The following WNT7A variants were observed in gnomAD, a reference collection of about 807,000 sequenced individuals.
The protein encoded by WNT7A is Wnt family member 7A.
A neutral mutation model predicts 28.2 loss-of-function variants in WNT7A; 16 were observed. That is an observed-to-expected ratio of 0.57 (90% CI 0.38 to 0.86). The LOEUF is 0.86. Among genes scored for constraint, WNT7A ranks in the 40% least tolerant of loss-of-function variants. WNT7A has a pLI of 0.00. For synonymous variants in WNT7A, 190 were observed against 195.9 expected (o/e 0.97, Z 0.25); for missense variants, 411 against 489.7 (o/e 0.84, Z 1.52).
intron 1 of WNT7A, among the ~76,000 whole-genome samples, chr3:13,878,771 C>G (rs1017649771): frequency 6.6e-6 from 1 of 152,152 alleles, no homozygotes; most frequent in Non-Finnish European, 1.5e-5. Flanking sequence ...GTGAGACCTA[C>G]CAAGCGGGCC....
intron 3 of WNT7A, among the ~76,000 whole-genome samples, chr3:13,833,736 C>T (rs377532662): frequency 1.2e-4 from 19 of 152,288 alleles, no homozygotes; most frequent in African/African-American, 4.6e-4. Flanking sequence ...CCAACCACAG[C>T]GTGAGGGGCA....
intron 3 of WNT7A, among the ~76,000 whole-genome samples, chr3:13,832,979 T>G (rs1694305552): frequency 6.6e-6 from 1 of 152,096 alleles, no homozygotes; most frequent in South Asian, 2.1e-4. Context: ...AGACCCTCCA[T>G]GAACTGGTCT....
chr3:13,868,126 G>A lies in WNT7A; in HGVS notation c.298+6821C>T, dbSNP rs535759858. 6.6e-5 allele frequency among the ~76,000 whole-genome samples: 10 copies of A among 152,256 alleles called. No homozygotes were observed. In the South Asian group the frequency reaches 2.1e-3, roughly 32 times the overall value. On this transcript the variant is annotated intron_variant, in intron 2 of 3. Transcript: ENST00000285018. ...TAGCCAGGGAGGGAGAGGCAGGGAA[G>A]ACATGAGGGAGGCTCACAAACGTGG... is the stretch of plus-strand genomic sequence containing the variant.
At position 13,825,097 on chromosome 3, in the gene WNT7A, A is replaced by C. The variant is rs570992484; in HGVS notation, c.571-5674T>G. Among the ~76,000 whole-genome samples the C allele has an allele frequency of 9.3e-4, 142 of 152,348 alleles. 1 individual carries two copies. Among genetic ancestry groups the C allele is most frequent in the African/African-American group, 3.2e-3 (135 of 41,594 alleles). On this transcript the variant is annotated intron_variant, in intron 3 of 3. Coordinates refer to ENST00000285018, the MANE Select transcript of WNT7A (RefSeq NM_004625.4). ...CTCATCCATGTATGCTTGTAAGAGCACAGGGTATTTCTGGAATTACATGAG... is the reference window on the plus strand; with the variant it reads ...CTCATCCATGTATGCTTGTAAGAGCCCAGGGTATTTCTGGAATTACATGAG...
intron 3 of WNT7A, among the ~76,000 whole-genome samples, chr3:13,841,330 T>C (rs73019612): frequency 2.0e-5 from 3 of 152,362 alleles, no homozygotes; most frequent in Non-Finnish European, 4.4e-5. Flanking sequence ...AGACACTCTA[T>C]AAATTCTTAA....
rs748092973 is a variant in WNT7A, at chr3:13,854,670, G to C, written c.432C>G (p.Asp144Glu). 6 of 1,614,142 alleles carry C rather than the reference G, an allele frequency of 3.7e-6. No individual in the cohort carries two copies. Among genetic ancestry groups the C allele is most frequent in the African/African-American group, 1.3e-5 (1 of 75,056 alleles). The change falls in exon 3 of 4, where the codon GAC (aspartate) becomes GAG (glutamate). Residue 144 changes from aspartate (D) to glutamate (E), a missense_variant. Transcript: ENST00000285018. ...DKEKQGQYHR[D>E]EGWKWGGCSA... ...AGCAGCCACCCCACTTCCAGCCCTCGTCCCGGTGGTACTGGCCTTGCTTCT... is the reference window on the plus strand; with the variant it reads ...AGCAGCCACCCCACTTCCAGCCCTCCTCCCGGTGGTACTGGCCTTGCTTCT...
chr3:13,868,506 A>C (rs146104246), intron 2 of WNT7A, among the ~76,000 whole-genome samples: 5 of 143,962 alleles, frequency 3.5e-5, no homozygotes, highest in African/African-American at 1.1e-4. Flanking sequence ...GAAAGAAAGA[A>C]AGAGAGAGAG....
At chr3:13,838,788 C>T (rs79995382) in intron 3 of WNT7A, among the ~76,000 whole-genome samples, 25,060 of 152,130 alleles carry the variant, frequency 0.16, 2,488 homozygotes, top group African/African-American at 0.27. Flanking sequence ...GTGGACTTTC[C>T]AGAAGGTAGC....
intron 2 of WNT7A, among the ~76,000 whole-genome samples, chr3:13,858,206 G>T (rs138294747): frequency 6.9e-4 from 105 of 152,296 alleles, no homozygotes; most frequent in African/African-American, 2.4e-3. Flanking sequence ...CCACCGGCAG[G>T]CTCCAGCCAT....
chr3:13,875,205 T>G (rs1695090218), intron 1 of WNT7A, 32 bp from the exon 2 acceptor site: 2 of 1,611,612 alleles, frequency 1.2e-6, no homozygotes, highest in Non-Finnish European at 1.7e-6. Flanking sequence ...GATGGAGCAT[T>G]AGGCCAGCAA....
intron 2 of WNT7A, among the ~76,000 whole-genome samples, chr3:13,857,815 A>T (rs1043093913): frequency 3.3e-5 from 5 of 152,168 alleles, no homozygotes; most frequent in African/African-American, 1.2e-4. Context: ...AATCTGTTCC[A>T]CTGCTTTCCA....
intron 3 of WNT7A, among the ~76,000 whole-genome samples, chr3:13,837,320 G>T (rs1461418337): frequency 6.6e-6 from 1 of 152,028 alleles, no homozygotes; most frequent in East Asian, 1.9e-4. Context: ...AAGCCACCCT[G>T]GATGGCCCCC....
chr3:13,877,310 C>T (rs1188461914), intron 1 of WNT7A: 9 of 152,310 alleles, frequency 5.9e-5, no homozygotes, highest in Admixed American at 2.0e-4. Flanking sequence ...GGAAGGTTCT[C>T]AGCTAGCAGG....
At chr3:13,846,874 G>T (rs1163919335) in intron 3 of WNT7A, among the ~76,000 whole-genome samples, 1 of 152,114 alleles carries the variant, frequency 6.6e-6, no homozygotes, top group Non-Finnish European at 1.5e-5. Flanking sequence ...GGCCTGCCCC[G>T]GCTGCCCACG....
intron 2 of WNT7A, among the ~76,000 whole-genome samples, chr3:13,870,198 A>T (rs1695009546): frequency 6.6e-6 from 1 of 152,212 alleles, no homozygotes; most frequent in Admixed American, 6.5e-5. Context: ...GACTGCATTT[A>T]GAGATAGGAA....
chr3:13,832,495 C>T (rs908686078), intron 3 of WNT7A, among the ~76,000 whole-genome samples: 6 of 152,010 alleles, frequency 3.9e-5, no homozygotes, highest in African/African-American at 1.2e-4. Context: ...CCTCCTCAGG[C>T]TCCTCCTACT....
chr3:13,843,754 T>C (rs1422029433), intron 3 of WNT7A, among the ~76,000 whole-genome samples: 1 of 151,980 alleles, frequency 6.6e-6, no homozygotes, highest in Non-Finnish European at 1.5e-5. Context: ...ATCTTTTTTT[T>C]TTTTTCCCCT....
intron 3 of WNT7A, among the ~76,000 whole-genome samples, chr3:13,832,307 A>G (rs1456388324): frequency 2.1e-5 from 3 of 143,888 alleles, no homozygotes; most frequent in Non-Finnish European, 4.5e-5. Flanking sequence ...CCTCCTCTAC[A>G]GGCTTCTCCT....
In WNT7A at chr3:13,879,918, G is replaced by T; in HGVS notation, c.-102C>A. ...AGCCCGCCCGGGAGGCGCGAGCCGA[G>T]GCGTCCCCGGGGCCGTCTGTCGGTG... On this transcript the variant is annotated 5_prime_UTR_variant, in exon 1 of 4. Transcript: ENST00000285018. 1.1e-6 allele frequency: 1 copy of T among 915,372 alleles called. No homozygotes were observed. Among genetic ancestry groups the T allele is most frequent in the Non-Finnish European group, 1.5e-6 (1 of 679,994 alleles). 56.7% of individuals were successfully genotyped at this position (915,372 alleles called of 1,614,324 possible).
Sources: allele counts gnomAD v4.1 joint callset (sites outside exome capture counted in the v4.1 genomes callset), GRCh38; gene constraint gnomAD v4.1.1; transcripts MANE v1.5; gene names NCBI Gene and HGNC (gene_info 2026-07-23, HGNC 2026-07-21).